PAX3: variants seen among roughly 807,000 people sequenced by gnomAD.
PAX3 encodes paired box protein Pax-3.
In PAX3, 14 loss-of-function variants were observed where a neutral mutation model predicts 51.6. The observed-to-expected ratio is 0.27, with a 90% confidence interval of 0.18 to 0.42. The LOEUF is 0.42. Among genes scored for constraint, PAX3 ranks in the 10% least tolerant of loss-of-function variants. The probability of loss-of-function intolerance (pLI) is 1.00; values close to 1 mark genes in which losing one functional copy is unlikely to be tolerated. For missense variants in PAX3, 540 were observed against 642.8 expected (o/e 0.84, Z 1.73); for synonymous variants, 280 against 253.4 (o/e 1.11, Z -1.00).
At chr2:222,203,056 T>TATATATATATATATA (rs3997677) in intron 7 of PAX3, among the ~76,000 whole-genome samples, 2 of 114,820 alleles carry the variant, frequency 1.7e-5, no homozygotes, top group African/African-American at 3.2e-5. Flanking sequence ...TATATATATA[T>TATATATATATATATA]GAAGTGTTAA....
At chr2:222,244,299 C>T (rs1693132678) in intron 4 of PAX3, among the ~76,000 whole-genome samples, 1 of 152,196 alleles carries the variant, frequency 6.6e-6, no homozygotes, top group Non-Finnish European at 1.5e-5. Context: ...ATGTGTCCTA[C>T]TGCTTAGGAG....
chr2:222,219,926 C>A (rs913189063), intron 7 of PAX3, among the ~76,000 whole-genome samples: 2 of 152,130 alleles, frequency 1.3e-5, no homozygotes, highest in African/African-American at 4.8e-5. Context: ...AAGATTATAT[C>A]AAAAATCACT....
At chr2:222,292,460 G>A (rs1373915466) in intron 4 of PAX3, among the ~76,000 whole-genome samples, 3 of 152,198 alleles carry the variant, frequency 2.0e-5, no homozygotes, top group Non-Finnish European at 2.9e-5. Context: ...TGGAAAAGTT[G>A]TACAAATGTT....
chr2:222,277,955 G>C (rs1049933523), intron 4 of PAX3, among the ~76,000 whole-genome samples: 1 of 143,184 alleles, frequency 7.0e-6, no homozygotes, highest in African/African-American at 2.5e-5. Context: ...AAAAAATTGA[G>C]TTTTTGTGTG....
rs748118849 is a variant in PAX3, at chr2:222,280,134, G to A, written c.586+14033C>T. The stretch of plus-strand genomic sequence containing the variant: ...GCTGAGACAGGAGAATTGCTTGAAC[G>A]TGGGAGGTGGAGGTTGCAATGAGCT... On this transcript the variant is annotated intron_variant, in intron 4 of 8. Transcript: ENST00000392070. 4.6e-5 allele frequency among the ~76,000 whole-genome samples: 7 copies of A among 151,936 alleles called. No individual in the cohort carries two copies. The South Asian group carries it at 1.0e-3, about 23-fold the overall frequency.
chr2:222,294,088 C>T, intron 4 of PAX3, 79 bp downstream of exon 4: 1 of 1,601,120 alleles, frequency 6.2e-7, no homozygotes. Flanking sequence ...GGCTTGGCTG[C>T]CGTCAGATCA....
At chr2:222,210,193 A>G (rs1691672435) in intron 7 of PAX3, among the ~76,000 whole-genome samples, 2 of 152,206 alleles carry the variant, frequency 1.3e-5, no homozygotes, top group African/African-American at 2.4e-5. Flanking sequence ...ATCTTCAGAA[A>G]CTAATTCTGT....
intron 4 of PAX3, among the ~76,000 whole-genome samples, chr2:222,265,686 G>GGAAGGAAGGAAC (rs1256041210): frequency 6.6e-6 from 1 of 150,822 alleles, no homozygotes; most frequent in Non-Finnish European, 1.5e-5. Context: ...AAGGAAGGAA[G>GGAAGGAAGGAAC]GAAGGGAGAA....
chr2:222,293,925 T>A, intron 4 of PAX3: 1 of 1,402,326 alleles, frequency 7.1e-7, no homozygotes, highest in Non-Finnish European at 9.2e-7. Flanking sequence ...TCCCAGGGGC[T>A]GAAAGTGGTT....
At chr2:222,245,091 T>C (rs1179526041) in intron 4 of PAX3, among the ~76,000 whole-genome samples, 2 of 152,258 alleles carry the variant, frequency 1.3e-5, no homozygotes, top group East Asian at 3.9e-4. Flanking sequence ...GAGTTTGCAG[T>C]GAGCTGAGAT....
intron 4 of PAX3, among the ~76,000 whole-genome samples, chr2:222,274,923 C>T (rs945642631): frequency 6.6e-6 from 1 of 152,130 alleles, no homozygotes; most frequent in African/African-American, 2.4e-5. Flanking sequence ...GTGGCAGAAT[C>T]AGTCAGTTTT....
At chr2:222,282,778 A>G (rs111355436) in intron 4 of PAX3, among the ~76,000 whole-genome samples, 3,454 of 152,246 alleles carry the variant, frequency 0.023, 51 homozygotes, top group Middle Eastern at 0.088. Context: ...GGAACCAATA[A>G]GTCAAAGAAA....
intron 4 of PAX3, among the ~76,000 whole-genome samples, chr2:222,247,802 A>C (rs1401684832): frequency 6.6e-6 from 1 of 152,108 alleles, no homozygotes; most frequent in Non-Finnish European, 1.5e-5. Flanking sequence ...ATTTTTTTTT[A>C]GCGTCTTAAC....
chr2:222,251,815 G>A (rs1022214497), intron 4 of PAX3, among the ~76,000 whole-genome samples: 10 of 152,180 alleles, frequency 6.6e-5, no homozygotes, highest in Non-Finnish European at 1.3e-4. Context: ...ACTGGTGTGA[G>A]ATGGTATCTC....
chr2:222,237,239 C>A (rs1692832005), intron 4 of PAX3, among the ~76,000 whole-genome samples: 1 of 151,368 alleles, frequency 6.6e-6, no homozygotes, highest in African/African-American at 2.4e-5. Flanking sequence ...AGAATTTGAC[C>A]CAGATCTATG....
intron 4 of PAX3, among the ~76,000 whole-genome samples, chr2:222,232,500 C>T (rs1342035217): frequency 1.3e-5 from 2 of 152,142 alleles, no homozygotes; most frequent in East Asian, 1.9e-4. Flanking sequence ...ACACCAAGCA[C>T]CCCGCCCCCA....
intron 4 of PAX3, among the ~76,000 whole-genome samples, chr2:222,259,553 C>A (rs1693767082): frequency 6.6e-6 from 1 of 152,112 alleles, no homozygotes; most frequent in African/African-American, 2.4e-5. Flanking sequence ...GGAAATAACA[C>A]CGGTTGTGTT....
At chr2:222,231,828 A>G (rs1233490249) in intron 5 of PAX3, among the ~76,000 whole-genome samples, 2 of 152,326 alleles carry the variant, frequency 1.3e-5, no homozygotes, top group East Asian at 3.9e-4. Flanking sequence ...CAAAGTCCAT[A>G]TAGTGCTGGT....
intron 4 of PAX3, among the ~76,000 whole-genome samples, chr2:222,268,575 A>G (rs1406683287): frequency 1.3e-5 from 2 of 152,172 alleles, no homozygotes; most frequent in Non-Finnish European, 1.5e-5. Flanking sequence ...ACAACGGGGA[A>G]AGCAAAGAGC....
Sources: gnomAD v4.1 joint callset for allele counts (sites outside exome capture counted in the v4.1 genomes callset) on GRCh38, gnomAD v4.1.1 for gene constraint, MANE v1.5 for transcripts, NCBI Gene and HGNC (gene_info 2026-07-23, HGNC 2026-07-21) for gene names.